The following TAX1BP1 variants were observed in gnomAD, a reference collection of about 807,000 sequenced individuals.
TAX1BP1 encodes the protein Tax1 binding protein 1, also known as tax1-binding protein 1.
TAX1BP1 carries 62 observed loss-of-function variants against 97.7 expected under a neutral mutation model. The observed-to-expected ratio is 0.63, with a 90% CI of 0.52 to 0.78. The LOEUF (loss-of-function observed/expected upper bound fraction) is 0.78. Among genes scored for constraint, TAX1BP1 ranks in the 30% least tolerant of loss-of-function variants. The probability of loss-of-function intolerance (pLI) is 0.00; values close to 1 mark genes in which losing one functional copy is unlikely to be tolerated. For synonymous variants in TAX1BP1, 340 were observed against 304.2 expected (o/e 1.12, Z -1.23); for missense variants, 867 against 916.1 (o/e 0.95, Z 0.69).
At chr7:27,827,708 T>C (rs1791235087) in intron 15 of TAX1BP1, 30 bp from the exon 16 acceptor site, 7 of 1,590,936 alleles carry the variant, frequency 4.4e-6, no homozygotes, top group Non-Finnish European at 6.0e-6. Context: ...TTTACTTTTC[T>C]TAAAAGTTCC....
chr7:27,800,175 A>G, intron 13 of TAX1BP1, 85 bp downstream of exon 13: 1 of 1,213,258 alleles, frequency 8.2e-7, no homozygotes, highest in Non-Finnish European at 1.1e-6. Flanking sequence ...TCTAATGTAC[A>G]TTTTAAATAT....
intron 4 of TAX1BP1, among the ~76,000 whole-genome samples, chr7:27,768,876 G>A (rs1255794880): frequency 6.6e-6 from 1 of 151,942 alleles, no homozygotes; most frequent in Non-Finnish European, 1.5e-5. Flanking sequence ...AATTTGGGGT[G>A]TATGGAGGAA....
chr7:27,770,843 A>G (rs974514794), intron 5 of TAX1BP1, among the ~76,000 whole-genome samples: 5 of 152,078 alleles, frequency 3.3e-5, no homozygotes, highest in Non-Finnish European at 7.4e-5. Context: ...TACATTTACA[A>G]ATCTCCTTAT....
chr7:27,780,887 A>G (rs976283660), intron 5 of TAX1BP1, among the ~76,000 whole-genome samples: 3 of 152,198 alleles, frequency 2.0e-5, no homozygotes, highest in African/African-American at 7.2e-5. Flanking sequence ...GAACTGTACA[A>G]TGAAGCATTT....
upstream of TAX1BP1, chr7:27,740,027 G>C (rs542198762): frequency 3.3e-5 from 5 of 152,258 alleles, no homozygotes; most frequent in African/African-American, 1.2e-4. Flanking sequence ...CGCGGGATGA[G>C]GCGTCCCGCG....
At chr7:27,749,553 G>C (rs1199847261) in intron 2 of TAX1BP1, among the ~76,000 whole-genome samples, 1 of 152,190 alleles carries the variant, frequency 6.6e-6, no homozygotes, top group Non-Finnish European at 1.5e-5. Context: ...TAGGCACATT[G>C]AAAGTGTCTA....
chr7:27,745,578 A>C (rs1787786445), intron 1 of TAX1BP1, among the ~76,000 whole-genome samples: 1 of 152,170 alleles, frequency 6.6e-6, no homozygotes, highest in African/African-American at 2.4e-5. Context: ...ATAGCAATGA[A>C]ATTTTAAAAA....
In TAX1BP1 at chr7:27,785,145, CTTG is replaced by C. The variant is rs760595131; in HGVS notation, c.613-13_613-11del. 9 of 1,585,416 alleles carry C rather than the reference CTTG, an allele frequency of 5.7e-6. No homozygotes were observed. The East Asian group carries it at 1.4e-4, about 24-fold the overall frequency. On this transcript the variant is annotated splice_polypyrimidine_tract_variant and intron_variant, in intron 5 of 16. Coordinates refer to ENST00000396319, the MANE Select transcript of TAX1BP1 (RefSeq NM_006024.7). ...ATGTTTCTGTGTTTTCTCAAAATAC[CTTG>C]TTGTCACTTCTCAGGGTCTTACTGA... is the stretch of plus-strand genomic sequence containing the variant.
rs751739165 is a variant in TAX1BP1 at position 27,787,450 on chromosome 7, C to A, written c.885C>A (p.Thr295=). 2 of 1,608,746 alleles carry A rather than the reference C, an allele frequency of 1.2e-6. No homozygotes were observed. The highest frequency in any genetic ancestry group is 3.4e-5 in the Admixed American group (2 of 59,230). The change falls in exon 8 of 17, where the codon ACC becomes ACA. Residue 295 remains threonine (T), a synonymous_variant. Transcript: ENST00000396319. ...VHLKNTEIEN[T]KLMSEVQTLK... ...TGAAGAATACAGAAATAGAAAATAC[C>A]AAGCTTATGTCAGAGGTCCAGACTT... is the stretch of plus-strand genomic sequence containing the variant.
At chr7:27,757,961 C>A in intron 2 of TAX1BP1, 70 bp from the exon 3 acceptor site, 4 of 825,540 alleles carry the variant, frequency 4.8e-6, no homozygotes, top group East Asian at 2.6e-5. Context: ...AATAAATAAA[C>A]AGTATGCTGT....
At chr7:27,780,210 A>G (rs563695492) in intron 5 of TAX1BP1, among the ~76,000 whole-genome samples, 1 of 152,166 alleles carries the variant, frequency 6.6e-6, no homozygotes, top group Non-Finnish European at 1.5e-5. Flanking sequence ...ATTTATTAGT[A>G]CCACTGTTAA....
intron 9 of TAX1BP1, 93 bp from the exon 10 acceptor site, chr7:27,792,973 A>C: frequency 8.0e-7 from 1 of 1,245,732 alleles, no homozygotes; most frequent in Non-Finnish European, 1.1e-6. Flanking sequence ...AAAACAAAAA[A>C]AAGAAAAAAA....
chr7:27,784,943 G>A (rs1188650012), intron 5 of TAX1BP1, among the ~76,000 whole-genome samples: 1 of 152,064 alleles, frequency 6.6e-6, no homozygotes, highest in Non-Finnish European at 1.5e-5. Context: ...GAGTGACAAA[G>A]TGAGACCCCA....
Position 27,787,554 on chromosome 7 carries a change from C to T in TAX1BP1, c.989C>T (p.Ala330Val). ...EEIGRLQLCL[A>V]EKENLQRTFL... ...ATTGGCAGGCTGCAGTTATGTTTGG[C>T]TGAAAAGGAAAATCTGCAAAGAACT... The change falls in exon 8 of 17, where the codon GCT becomes GTT. Residue 330 changes from alanine (A) to valine (V), a missense_variant. Around this residue, in one of 3 missense-constraint regions of TAX1BP1, gnomAD observed 822 missense variants for 851.4 expected, o/e 0.97. Coordinates refer to ENST00000396319, the MANE Select transcript of TAX1BP1 (RefSeq NM_006024.7). 2 of 1,612,784 alleles carry T rather than the reference C, an allele frequency of 1.2e-6. No individual in the cohort carries two copies. Among genetic ancestry groups the T allele is most frequent in the Non-Finnish European group, 1.7e-6 (2 of 1,179,378 alleles).
At chr7:27,741,415 C>A (rs1291841299) in intron 1 of TAX1BP1, among the ~76,000 whole-genome samples, 1 of 151,908 alleles carries the variant, frequency 6.6e-6, no homozygotes, top group Non-Finnish European at 1.5e-5. Context: ...ATGATGCCGA[C>A]TTCTAATAAG....
At chr7:27,824,945 A>G (rs1248743545) in intron 15 of TAX1BP1, among the ~76,000 whole-genome samples, 1 of 152,150 alleles carries the variant, frequency 6.6e-6, no homozygotes, top group Non-Finnish European at 1.5e-5. Flanking sequence ...CTAGGTGGTG[A>G]TATTTTAAAA....
At chr7:27,765,780 A>G (rs987553933) in intron 3 of TAX1BP1, 54 bp from the exon 4 acceptor site, 15 of 1,464,380 alleles carry the variant, frequency 1.0e-5, no homozygotes, top group Non-Finnish European at 1.4e-5. Context: ...AATTGAAATA[A>G]CATGAATTTT....
rs1790774598 is a variant in TAX1BP1 at position 27,816,491 on chromosome 7, G to A, written c.1907G>A (p.Gly636Asp). ...LSNAQPVLQY[G>D]NPYASQETRD... ...AATGCACAACCAGTTCTGCAATATG[G>A]TAATCCTTATGCATCTCAGGAAACA... Residue 636 changes from glycine (G) to aspartate (D), a missense_variant, in exon 14 of 17, where the codon GGT becomes GAT. Gly to Asp is a moderately conservative substitution (Grantham distance 94, BLOSUM62 -1). This residue lies in a region of TAX1BP1 where 822 missense variants were observed against 851.4 expected (regional missense o/e 0.97). Coordinates refer to ENST00000396319, the MANE Select transcript of TAX1BP1 (RefSeq NM_006024.7). The A allele has an allele frequency of 6.4e-7, 1 of 1,551,970 alleles. No individual in the cohort carries two copies. Among genetic ancestry groups the A allele is most frequent in the South Asian group, 1.3e-5 (1 of 78,956 alleles).
chr7:27,770,657 A>G (rs1285858751), intron 5 of TAX1BP1, among the ~76,000 whole-genome samples: 3 of 152,128 alleles, frequency 2.0e-5, no homozygotes, highest in African/African-American at 7.2e-5. Flanking sequence ...ATGAACCGCT[A>G]GTGCAGTGAT....
Sources: allele counts gnomAD v4.1 joint callset (sites outside exome capture counted in the v4.1 genomes callset), GRCh38; gene constraint gnomAD v4.1.1; regional missense constraint gnomAD v4.1.1; transcripts MANE v1.5; gene names NCBI Gene and HGNC (gene_info 2026-07-23, HGNC 2026-07-21).